SLC24A2: variants seen among roughly 807,000 people sequenced by gnomAD.
SLC24A2 encodes the protein sodium/potassium/calcium exchanger 2.
In SLC24A2, 36 loss-of-function variants were observed where a neutral mutation model predicts 62.0. The ratio of observed to expected loss-of-function variants is 0.58; its 90% confidence interval spans 0.44 to 0.77. The LOEUF (loss-of-function observed/expected upper bound fraction) is 0.77, where lower values mean the gene tolerates loss of function less well. Among genes scored for constraint, SLC24A2 ranks in the 30% least tolerant of loss-of-function variants. SLC24A2 has a pLI of 0.00. For missense variants in SLC24A2, 846 were observed against 817.9 expected (o/e 1.03, Z -0.42); for synonymous variants, 358 against 294.0 (o/e 1.22, Z -2.23).
chr9:19,793,855 A>T (rs1470375202), upstream of SLC24A2, among the ~76,000 whole-genome samples: 1 of 152,222 alleles, frequency 6.6e-6, no homozygotes, highest in African/African-American at 2.4e-5. Flanking sequence ...ACAATCAAGG[A>T]TAGTTGTCTA....
chr9:19,515,996 G>A lies in SLC24A2; in HGVS notation c.*157C>T. On this transcript the variant is annotated 3_prime_UTR_variant, in exon 11 of 11. Transcript: ENST00000341998. ...TGGAAGCAGCCTGTGAAGTGAATGG[G>A]CCCAGTGTGAATCCATCTCTCCTCA... The A allele has an allele frequency of 1.1e-6, 1 of 904,362 alleles. No individual in the cohort carries two copies. Among genetic ancestry groups the A allele is most frequent in the East Asian group, 2.4e-5 (1 of 41,008 alleles). The allele number at this position is 904,362 out of a possible 1,614,324, so 56.0% of individuals were successfully genotyped here.
the SLC24A2 span, among the ~76,000 whole-genome samples, chr9:20,164,123 T>G: frequency 1.3e-5 from 2 of 152,056 alleles, no homozygotes; most frequent in African/African-American, 4.8e-5. Flanking sequence ...AAAGCCAAAA[T>G]GGACAAATGG....
At chr9:19,587,832 C>A (rs1251736666) in intron 5 of SLC24A2, among the ~76,000 whole-genome samples, 2 of 152,192 alleles carry the variant, frequency 1.3e-5, no homozygotes, top group Non-Finnish European at 2.9e-5. Flanking sequence ...TCTACATATG[C>A]AATGTGACAA....
At chr9:19,869,298 T>TCTAATTATGGGA in the SLC24A2 span, among the ~76,000 whole-genome samples, 3 of 152,194 alleles carry the variant, frequency 2.0e-5, no homozygotes, top group African/African-American at 7.2e-5. Flanking sequence ...GGGACTTATG[T>TCTAATTATGGGA]CTGCTATTTG....
the SLC24A2 span, among the ~76,000 whole-genome samples, chr9:20,021,097 AT>A: frequency 6.6e-6 from 1 of 152,232 alleles, no homozygotes; most frequent in Admixed American, 6.5e-5. Context: ...GTACACACAT[AT>A]CCAAATATAA....
At chr9:20,109,695 C>T in the SLC24A2 span, among the ~76,000 whole-genome samples, 1 of 152,138 alleles carries the variant, frequency 6.6e-6, no homozygotes, top group Non-Finnish European at 1.5e-5. Flanking sequence ...ACACCTATTC[C>T]CTCTATTGAT....
At chr9:19,743,508 G>A (rs1389871628) in intron 2 of SLC24A2, among the ~76,000 whole-genome samples, 1 of 152,146 alleles carries the variant, frequency 6.6e-6, no homozygotes, top group East Asian at 1.9e-4. Flanking sequence ...GGGACAGAAT[G>A]GGTGTGCTGT....
chr9:20,110,902 C>T, the SLC24A2 span, among the ~76,000 whole-genome samples: 2 of 152,108 alleles, frequency 1.3e-5, no homozygotes, highest in African/African-American at 4.8e-5. Context: ...AAATGAGGAT[C>T]CATTTTACAA....
the SLC24A2 span, among the ~76,000 whole-genome samples, chr9:19,825,567 A>C: frequency 6.6e-6 from 1 of 152,154 alleles, no homozygotes; most frequent in Non-Finnish European, 1.5e-5. Flanking sequence ...ACACCTGATA[A>C]CTAGTTTATG....
the SLC24A2 span, among the ~76,000 whole-genome samples, chr9:19,796,046 T>C: frequency 1.4e-5 from 2 of 143,506 alleles, no homozygotes; most frequent in Non-Finnish European, 3.0e-5. Context: ...CTGCATGTTG[T>C]CACTCATAGG....
intron 4 of SLC24A2, among the ~76,000 whole-genome samples, chr9:19,601,225 G>A (rs549811678): frequency 6.6e-6 from 1 of 152,188 alleles, no homozygotes; most frequent in Admixed American, 6.5e-5. Context: ...TCAGTACTCT[G>A]TAAAATGCAC....
the SLC24A2 span, among the ~76,000 whole-genome samples, chr9:19,891,756 A>G: frequency 6.6e-6 from 1 of 152,160 alleles, no homozygotes; most frequent in Admixed American, 6.5e-5. Flanking sequence ...TAAAAAAACC[A>G]ATACAAATTA....
the SLC24A2 span, among the ~76,000 whole-genome samples, chr9:20,042,645 T>C: frequency 6.6e-6 from 1 of 152,202 alleles, no homozygotes; most frequent in Non-Finnish European, 1.5e-5. Flanking sequence ...AATGCAGGCA[T>C]ACCTCCTTTT....
At chr9:20,070,281 C>G in the SLC24A2 span, among the ~76,000 whole-genome samples, 2 of 152,178 alleles carry the variant, frequency 1.3e-5, no homozygotes, top group Admixed American at 6.6e-5. Context: ...TTAAACAGGA[C>G]TCTAAAACTC....
intron 7 of SLC24A2, among the ~76,000 whole-genome samples, chr9:19,563,220 A>G (rs905242909): frequency 4.6e-5 from 7 of 152,194 alleles, no homozygotes; most frequent in Non-Finnish European, 7.3e-5. Context: ...GTGGTGTCAG[A>G]CATAAATACA....
intron 2 of SLC24A2, among the ~76,000 whole-genome samples, chr9:19,722,557 T>C (rs1821057356): frequency 1.3e-5 from 2 of 152,000 alleles, no homozygotes; most frequent in Admixed American, 6.6e-5. Flanking sequence ...AAAGGAATCA[T>C]GGGGTATTTA....
intron 2 of SLC24A2, among the ~76,000 whole-genome samples, chr9:19,717,097 G>C (rs566805814): frequency 6.6e-6 from 1 of 152,304 alleles, no homozygotes; most frequent in East Asian, 1.9e-4. Context: ...GAGACAGTGA[G>C]AGTTCTTCCC....
chr9:20,167,648 T>C, the SLC24A2 span, among the ~76,000 whole-genome samples: 1 of 152,016 alleles, frequency 6.6e-6, no homozygotes, highest in Non-Finnish European at 1.5e-5. Context: ...AGGCAAGGTA[T>C]AAGGTGAGAC....
At position 19,576,967 on chromosome 9, in the gene SLC24A2, A is replaced by G; in HGVS notation, c.1185T>C (p.His395=). Residue 395 remains histidine, a synonymous_variant, in exon 6 of 11, where the codon CAT becomes CAC. Transcript: ENST00000341998. ...CATTCTGCCTCTCGTTCTCATCCAC[A>G]TGACATTTCTTCTTGGCGATCTTGT... ...ILHKIAKKKC[H]VDENERQNGA... 1 of 1,614,160 alleles carries G rather than the reference A, an allele frequency of 6.2e-7. No homozygotes were observed. The highest frequency in any genetic ancestry group is 8.5e-7 in the Non-Finnish European group (1 of 1,180,020).
Sources: gnomAD v4.1 joint callset for allele counts (sites outside exome capture counted in the v4.1 genomes callset) on GRCh38, gnomAD v4.1.1 for gene constraint, MANE v1.5 for transcripts, NCBI Gene and HGNC (gene_info 2026-07-23, HGNC 2026-07-21) for gene names.